DCTN1: variants seen among roughly 807,000 people sequenced by gnomAD.
The protein encoded by DCTN1 is 150 kDa dynein-associated polypeptide.
DCTN1 carries 61 observed loss-of-function variants against 161.2 expected under a neutral mutation model. The observed-to-expected ratio is 0.38, with a 90% CI of 0.31 to 0.47. The LOEUF is 0.47. DCTN1 is among the 20% of genes least tolerant of loss of function. The pLI is 0.99. For missense variants in DCTN1, 1,404 were observed against 1,623.7 expected, an observed-to-expected ratio of 0.86 and a Z score of 2.33; for synonymous variants, 653 against 632.4, an observed-to-expected ratio of 1.03 and a Z score of -0.49.
upstream of DCTN1, among the ~76,000 whole-genome samples, chr2:74,381,603 C>T (rs977517805): frequency 3.3e-5 from 5 of 152,152 alleles, no homozygotes; most frequent in Admixed American, 6.5e-5. Context: ...CTCACATGTT[C>T]GGAGCACTTT....
chr2:74,371,723 C>T lies in DCTN1; in HGVS notation c.459G>A (p.Thr153=), dbSNP rs773422770. 8 of 1,607,438 alleles carry T rather than the reference C, an allele frequency of 5.0e-6. No individual in the cohort carries two copies. The highest frequency in any genetic ancestry group is 1.7e-5 in the Admixed American group (1 of 59,004). Residue 153 remains threonine, a synonymous_variant, in exon 8 of 32, where the codon ACG becomes ACA. Transcript: ENST00000628224. ...RKTTTRRPKP[T]RPASTGVAGA... ...CAGCCACCCCAGTACTGGCTGGGCG[C>T]GTGGGCTATTCAGAAAGGGTAGAGG...
intron 29 of DCTN1, 84 bp from the exon 30 acceptor site, chr2:74,362,813 G>T: frequency 7.1e-7 from 1 of 1,402,354 alleles, no homozygotes; most frequent in Non-Finnish European, 1.0e-6. Flanking sequence ...GCAGGTATAA[G>T]ACTCTCTAAC....
intron 4 of DCTN1, among the ~76,000 whole-genome samples, chr2:74,377,111 T>C: frequency 6.6e-6 from 1 of 152,206 alleles, no homozygotes; most frequent in East Asian, 1.9e-4. Context: ...CCTCAGACCC[T>C]TTAGATGTTG....
chr2:74,391,100 T>C (rs1675975482), intron 1 of DCTN1: 1 of 153,016 alleles, frequency 6.5e-6, no homozygotes, highest in Non-Finnish European at 1.5e-5. Context: ...TCTTTTAACA[T>C]CTCATAGCTT....
chr2:74,386,879 CT>C (rs1237093317), intron 1 of DCTN1: 2 of 152,056 alleles, frequency 1.3e-5, no homozygotes, highest in African/African-American at 4.8e-5. Flanking sequence ...TCTCTTGTGT[CT>C]TCATTGCACC....
chr2:74,379,734 A>G (rs1250980346), intron 1 of DCTN1, among the ~76,000 whole-genome samples: 3 of 152,136 alleles, frequency 2.0e-5, no homozygotes, highest in African/African-American at 7.2e-5. Flanking sequence ...AGTCCCCAGG[A>G]TAGTCTGGAC....
chr2:74,384,676 T>C (rs1481260283), upstream of DCTN1, among the ~76,000 whole-genome samples: 1 of 152,180 alleles, frequency 6.6e-6, no homozygotes, highest in Non-Finnish European at 1.5e-5. Flanking sequence ...ATTTCTCCCC[T>C]GTCTGAACCA....
At chr2:74,383,103 T>TAAAATA (rs1553467114), upstream of DCTN1, among the ~76,000 whole-genome samples, 13 of 150,678 alleles carry the variant, frequency 8.6e-5, no homozygotes, top group Non-Finnish European at 1.5e-5. Flanking sequence ...AATAAATAAA[T>TAAAATA]AAAATAAAAA....
chr2:74,380,016 C>G lies in DCTN1; in HGVS notation c.22G>C (p.Val8Leu). 2 of 1,614,156 alleles carry G rather than the reference C, an allele frequency of 1.2e-6. No homozygotes were observed. The highest frequency in any genetic ancestry group is 8.5e-7 in the Non-Finnish European group (1 of 1,180,002). The stretch of plus-strand genomic sequence containing the variant: ...TTAGGGCCACTTACCCGGCTGTACA[C>G]GTGCCTCTTGCTCTGTGCCATGTTG... MAQSKRHVYSRTPSGSRM... is the reference protein window; with the variant it reads MAQSKRHLYSRTPSGSRM... Residue 8 changes from valine (V) to leucine (L), a missense_variant, in exon 1 of 32, where the codon GTG becomes CTG. Physicochemically the swap from Val to Leu is conservative, Grantham distance 32. This residue lies in a region of DCTN1 where 53 missense variants were observed against 54.4 expected (regional missense o/e 0.97). Coordinates refer to ENST00000628224, the MANE Select transcript of DCTN1 (RefSeq NM_004082.5).
chr2:74,367,740 T>C lies in DCTN1; in HGVS notation c.2140A>G (p.Thr714Ala). The change falls in exon 18 of 32, where the codon ACT becomes GCT. Residue 714 changes from threonine to alanine, a missense_variant. Coordinates refer to ENST00000628224, the MANE Select transcript of DCTN1 (RefSeq NM_004082.5). ...ELLHKDQLDE[T>A]VNVEPLTKAI... Reference sequence around the variant, plus strand: ...TTGGTGAGAGGCTCCACATTGACAGTCTCATCCAGCTGATCCTTGTGCAGC... The same window carrying C: ...TTGGTGAGAGGCTCCACATTGACAGCCTCATCCAGCTGATCCTTGTGCAGC... 1 of 1,614,174 alleles carries C rather than the reference T, an allele frequency of 6.2e-7. No individual in the cohort carries two copies. The highest frequency in any genetic ancestry group is 1.1e-5 in the South Asian group (1 of 91,088).
rs755703744 is a variant in DCTN1, at chr2:74,370,341, G to A, written c.1132C>T (p.Arg378Trp). 3 of 1,613,932 alleles carry A rather than the reference G, an allele frequency of 1.9e-6. No individual in the cohort carries two copies. Among genetic ancestry groups the A allele is most frequent in the Non-Finnish European group, 2.5e-6 (3 of 1,180,022 alleles). The change falls in exon 12 of 32, where the codon CGG (arginine) becomes TGG (tryptophan). Residue 378 changes from arginine to tryptophan, a missense_variant. By Grantham distance (101) the Arg-to-Trp change is moderately radical. Transcript: ENST00000628224. The surrounding 1 kb of genome is among the most constrained non-coding windows in gnomAD (Gnocchi z 4.4). ...ARLKDALVRMRDLSSSEKQEH... is the reference protein window; with the variant it reads ...ARLKDALVRMWDLSSSEKQEH... ...TGCTTCTCTGAGGAAGAAAGATCCC[G>A]CATCCTGCAGGGATGTGAGGAAGGC...
chr2:74,368,328 T>C, intron 16 of DCTN1, 197 bp from the exon 17 acceptor site: 1 of 731,082 alleles, frequency 1.4e-6, no homozygotes, highest in Non-Finnish European at 2.2e-6. Context: ...TTGTGAGGAG[T>C]CAGGATGTGA....
At chr2:74,381,332 T>C (rs1675500776), upstream of DCTN1, among the ~76,000 whole-genome samples, 1 of 152,202 alleles carries the variant, frequency 6.6e-6, no homozygotes. Context: ...GCCTGTCTTT[T>C]CTGCACTGGG....
chr2:74,389,654 T>C (rs1410388632), intron 1 of DCTN1, among the ~76,000 whole-genome samples: 1 of 152,202 alleles, frequency 6.6e-6, no homozygotes, highest in Non-Finnish European at 1.5e-5. Flanking sequence ...TCCTCCATTA[T>C]CACTATCACT....
In DCTN1 at chr2:74,361,312, G is replaced by T. The variant is rs947292936; in HGVS notation, c.*187C>A. On this transcript the variant is annotated 3_prime_UTR_variant, in exon 32 of 32. Coordinates refer to ENST00000628224, the MANE Select transcript of DCTN1 (RefSeq NM_004082.5). ...ACAACAAATTATGGCAGAGGCCAGG[G>T]AATGGGAGTGGGGGAACCCGGGTCA... is the stretch of plus-strand genomic sequence containing the variant. The T allele has an allele frequency of 4.9e-6, 4 of 815,592 alleles. No individual in the cohort carries two copies. The highest frequency in any genetic ancestry group is 5.4e-5 in the East Asian group (2 of 37,292). 50.5% of individuals were successfully genotyped at this position (815,592 alleles called of 1,614,324 possible).
At chr2:74,378,305 T>C in intron 1 of DCTN1, 60 bp from the exon 2 acceptor site, 1 of 1,591,712 alleles carries the variant, frequency 6.3e-7, no homozygotes, top group South Asian at 1.1e-5. Flanking sequence ...GGCATTCTTA[T>C]GTATAAGAAA....
At chr2:74,367,578 G>A (rs956795821) in intron 18 of DCTN1, 118 bp downstream of exon 18, 2 of 1,535,064 alleles carry the variant, frequency 1.3e-6, no homozygotes, top group Admixed American at 3.5e-5. Context: ...TCATCTAAGA[G>A]CAAACCAGGC....
At position 74,369,525 on chromosome 2, in the gene DCTN1, A is replaced by G. The variant is rs2103648179; in HGVS notation, c.1393-34T>C. 1.2e-6 allele frequency: 2 copies of G among 1,606,418 alleles called. No individual in the cohort carries two copies. The highest frequency in any genetic ancestry group is 2.2e-5 in the East Asian group (1 of 44,880). ...CCACACCATAGTTTGGGCTAAAGAAAGGCAGGGTCGGCCAGCGGCGGTGGT... is the reference window on the plus strand; with the variant it reads ...CCACACCATAGTTTGGGCTAAAGAAGGGCAGGGTCGGCCAGCGGCGGTGGT... On this transcript the variant is annotated intron_variant, in intron 13 of 31. Transcript: ENST00000628224. The surrounding 1 kb of genome is among the most constrained non-coding windows in gnomAD (Gnocchi z 4.9).
At chr2:74,389,371 T>C (rs907663966) in intron 1 of DCTN1, among the ~76,000 whole-genome samples, 1 of 152,186 alleles carries the variant, frequency 6.6e-6, no homozygotes, top group African/African-American at 2.4e-5. Flanking sequence ...ATGGGACAGA[T>C]AGCCCAAGTG....
Sources: allele counts gnomAD v4.1 joint callset (sites outside exome capture counted in the v4.1 genomes callset), GRCh38; gene constraint gnomAD v4.1.1; regional missense constraint gnomAD v4.1.1; non-coding constraint Gnocchi (gnomAD v3.1); transcripts MANE v1.5; gene names NCBI Gene and HGNC (gene_info 2026-07-23, HGNC 2026-07-21).